The following PTPRD variants were observed in gnomAD, a reference collection of about 807,000 sequenced individuals.
The protein encoded by PTPRD is receptor-type tyrosine-protein phosphatase delta.
A neutral mutation model predicts 214.5 loss-of-function variants in PTPRD; 34 were observed. The observed-to-expected ratio is 0.16, with a 90% CI of 0.12 to 0.21. The LOEUF (loss-of-function observed/expected upper bound fraction) is 0.21, where lower values mean the gene tolerates loss of function less well. Among genes scored for constraint, PTPRD ranks in the 10% least tolerant of loss-of-function variants. The probability of loss-of-function intolerance (pLI) is 1.00; values close to 1 mark genes in which losing one functional copy is unlikely to be tolerated. For synonymous variants in PTPRD, 1,128 were observed against 845.7 expected (o/e 1.33, Z -5.79); for missense variants, 2,545 against 2,398.7 (o/e 1.06, Z -1.27).
intron 11 of PTPRD, among the ~76,000 whole-genome samples, chr9:8,978,457 G>A (rs540007826): frequency 1.3e-5 from 2 of 152,226 alleles, no homozygotes; most frequent in South Asian, 2.1e-4. Context: ...GGGAAACTAT[G>A]AGGAAGATTT....
intron 7 of PTPRD, among the ~76,000 whole-genome samples, chr9:9,733,660 T>C (rs1184054983): frequency 6.6e-6 from 1 of 152,170 alleles, no homozygotes; most frequent in African/African-American, 2.4e-5. Context: ...TACAAGATTG[T>C]ATTTCTGCAG....
At chr9:8,576,021 C>T (rs2092306743) in intron 14 of PTPRD, among the ~76,000 whole-genome samples, 1 of 152,158 alleles carries the variant, frequency 6.6e-6, no homozygotes, top group Non-Finnish European at 1.5e-5. Context: ...GCCTTTAAAT[C>T]CCCACATGTT....
intron 2 of PTPRD, among the ~76,000 whole-genome samples, chr9:10,353,275 C>T (rs1314998035): frequency 2.6e-5 from 4 of 151,892 alleles, no homozygotes; most frequent in Admixed American, 6.6e-5. Flanking sequence ...ACAAAAAACA[C>T]ATCCTCTGTG....
chr9:8,502,447 G>A (rs887446977), intron 23 of PTPRD, among the ~76,000 whole-genome samples: 11 of 152,040 alleles, frequency 7.2e-5, no homozygotes, highest in Admixed American at 2.0e-4. Flanking sequence ...CTTAATGTAC[G>A]TGCCTTGTGT....
At chr9:10,524,803 G>C (rs1264217261) in intron 2 of PTPRD, among the ~76,000 whole-genome samples, 1 of 151,822 alleles carries the variant, frequency 6.6e-6, no homozygotes, top group Non-Finnish European at 1.5e-5. Context: ...TACTATTATA[G>C]GCTATTTTTA....
chr9:9,177,045 T>A (rs2099925331), intron 10 of PTPRD, among the ~76,000 whole-genome samples: 1 of 152,258 alleles, frequency 6.6e-6, no homozygotes, highest in Middle Eastern at 3.4e-3. Flanking sequence ...TATAAAGAAC[T>A]GCCCAAGACT....
intron 14 of PTPRD, among the ~76,000 whole-genome samples, chr9:8,626,783 C>T (rs1220637100): frequency 6.6e-6 from 1 of 151,758 alleles, no homozygotes; most frequent in East Asian, 2.0e-4. Context: ...TTCAGCTTGC[C>T]AGCCTGTGGA....
chr9:9,751,710 AG>A (rs2154465648), intron 6 of PTPRD, among the ~76,000 whole-genome samples: 1 of 152,218 alleles, frequency 6.6e-6, no homozygotes, highest in Non-Finnish European at 1.5e-5. Context: ...CTACTAGTCA[AG>A]GAGTGCCAAA....
intron 7 of PTPRD, among the ~76,000 whole-genome samples, chr9:9,709,531 T>C (rs1028061531): frequency 2.0e-5 from 3 of 152,060 alleles, no homozygotes; most frequent in African/African-American, 7.2e-5. Context: ...ATGAGCTACT[T>C]TGATTTATGG....
At chr9:8,684,583 A>C (rs1259888935) in intron 12 of PTPRD, among the ~76,000 whole-genome samples, 1 of 152,188 alleles carries the variant, frequency 6.6e-6, no homozygotes, top group African/African-American at 2.4e-5. Flanking sequence ...TTCCTTTCCA[A>C]CTAACCTACA....
intron 9 of PTPRD, among the ~76,000 whole-genome samples, chr9:9,295,325 A>G (rs989262296): frequency 1.3e-5 from 2 of 151,786 alleles, no homozygotes; most frequent in Admixed American, 6.6e-5. Flanking sequence ...AAGAAGCCAA[A>G]TGAGTGAATC....
rs148783922 is a variant in PTPRD at position 8,761,988 on chromosome 9, G to A, written c.-103-28042C>T. On this transcript the variant is annotated intron_variant, in intron 11 of 45. Transcript: ENST00000381196. ...CACAGAGGGTCAAATAAACTCAGAT[G>A]CCCAATTTAGGTACATTAAAATATA... Among the ~76,000 whole-genome samples, 86 of 152,234 alleles carry A rather than the reference G, an allele frequency of 5.6e-4. 1 individual carries two copies. In the South Asian group the frequency reaches 9.5e-3, roughly 17 times the overall value.
intron 4 of PTPRD, among the ~76,000 whole-genome samples, chr9:10,029,581 G>C (rs1052648053): frequency 6.6e-6 from 1 of 152,226 alleles, no homozygotes; most frequent in Non-Finnish European, 1.5e-5. Flanking sequence ...TTTTGGATTT[G>C]CATGGGGCCT....
intron 33 of PTPRD, among the ~76,000 whole-genome samples, chr9:8,459,231 A>G (rs1005019502): frequency 1.3e-5 from 2 of 152,118 alleles, no homozygotes; most frequent in Non-Finnish European, 2.9e-5. Context: ...AGATTATTAG[A>G]TTAAGCATGT....
At chr9:9,068,529 T>A (rs10977470) in intron 10 of PTPRD, among the ~76,000 whole-genome samples, 36,867 of 152,100 alleles carry the variant, frequency 0.24, 5,275 homozygotes, top group South Asian at 0.4. Flanking sequence ...TAATAACTGC[T>A]TTTGTGTCAC....
chr9:9,877,888 G>T (rs927114298), intron 5 of PTPRD, among the ~76,000 whole-genome samples: 1 of 147,062 alleles, frequency 6.8e-6, no homozygotes, highest in African/African-American at 2.6e-5. Flanking sequence ...CAGGAGAATT[G>T]CTTTACCCCG....
chr9:8,392,864 A>C lies in PTPRD; in HGVS notation c.4211-3457T>G, dbSNP rs369914497. Among the ~76,000 whole-genome samples the C allele has an allele frequency of 4.1e-4, 63 of 152,248 alleles. 3 individuals are homozygous for C. The South Asian group carries it at 0.013, about 31-fold the overall frequency. On this transcript the variant is annotated intron_variant, in intron 36 of 45. Coordinates refer to ENST00000381196, the MANE Select transcript of PTPRD (RefSeq NM_002839.4). Reference sequence around the variant, plus strand: ...AACCCAATATAACACACTGTGCAGAAAGATGAAGGAGAAAAAATTTTAGAA... The same window carrying C: ...AACCCAATATAACACACTGTGCAGACAGATGAAGGAGAAAAAATTTTAGAA...
chr9:9,301,430 G>A (rs1294036176), intron 9 of PTPRD, among the ~76,000 whole-genome samples: 1 of 151,856 alleles, frequency 6.6e-6, no homozygotes, highest in Non-Finnish European at 1.5e-5. Flanking sequence ...TGGTGGCACA[G>A]AACTAGACTG....
chr9:9,771,488 G>A (rs1217408284), intron 5 of PTPRD, among the ~76,000 whole-genome samples: 5 of 152,156 alleles, frequency 3.3e-5, no homozygotes. Context: ...TGAGCTTATC[G>A]TGGAAGCCTT....
Sources: allele counts gnomAD v4.1 joint callset (sites outside exome capture counted in the v4.1 genomes callset), GRCh38; gene constraint gnomAD v4.1.1; transcripts MANE v1.5; gene names NCBI Gene and HGNC (gene_info 2026-07-23, HGNC 2026-07-21).